The following RIMS1 variants were observed in gnomAD, a reference collection of about 807,000 sequenced individuals.
RIMS1 encodes the protein regulating synaptic membrane exocytosis protein 1.
RIMS1 carries 83 observed loss-of-function variants against 214.1 expected under a neutral mutation model. The ratio of observed to expected loss-of-function variants is 0.39; its 90% CI spans 0.32 to 0.47. RIMS1 has a LOEUF of 0.47. Ranked by LOEUF, RIMS1 falls within the 20% of genes least tolerant of loss-of-function variation. RIMS1 has a pLI of 0.99. For missense variants in RIMS1, 2,050 were observed against 2,161.8 expected (o/e 0.95, Z 1.03); for synonymous variants, 793 against 786.8 (o/e 1.01, Z -0.13).
intron 28 of RIMS1, among the ~76,000 whole-genome samples, chr6:72,325,869 C>T (rs1022475428): frequency 1.3e-5 from 2 of 151,630 alleles, no homozygotes; most frequent in Admixed American, 6.6e-5. Context: ...CACCAGACAC[C>T]TTTAGGAGGT....
At chr6:72,017,235 G>A (rs1813060773) in intron 2 of RIMS1, among the ~76,000 whole-genome samples, 1 of 152,066 alleles carries the variant, frequency 6.6e-6, no homozygotes, top group African/African-American at 2.4e-5. Context: ...TTTTGATTCA[G>A]TTATTAATAC....
At chr6:72,039,770 C>G (rs1444454196) in intron 2 of RIMS1, among the ~76,000 whole-genome samples, 2 of 151,366 alleles carry the variant, frequency 1.3e-5, no homozygotes, top group Non-Finnish European at 2.9e-5. Flanking sequence ...TTTTTAATAC[C>G]CCAAAGGAAG....
rs138319554 is a variant in RIMS1, at chr6:72,154,786, C to T, written c.472-24789C>T. Among the ~76,000 whole-genome samples the T allele has an allele frequency of 2.1e-5, 3 of 140,624 alleles. 1 individual carries two copies. The highest frequency in any genetic ancestry group is 4.9e-5 in the Non-Finnish European group (3 of 61,802). 92.3% of individuals were successfully genotyped at this position (140,624 alleles called of 152,430 possible). A position where few individuals can be genotyped will look rare whatever the true frequency, so the allele number is the denominator to read the frequency against. On this transcript the variant is annotated intron_variant, in intron 4 of 33. Coordinates refer to ENST00000521978, the MANE Select transcript of RIMS1 (RefSeq NM_014989.7). ...CTCAGTGCTAAGAGAGACTTTTGGCCCACTATTTATCCCATGGGGAAAAAT... is the reference window on the plus strand; with the variant it reads ...CTCAGTGCTAAGAGAGACTTTTGGCTCACTATTTATCCCATGGGGAAAAAT...
intron 29 of RIMS1, among the ~76,000 whole-genome samples, chr6:72,374,390 T>C (rs1481510453): frequency 2.6e-5 from 4 of 152,212 alleles, no homozygotes; most frequent in Non-Finnish European, 5.9e-5. Flanking sequence ...CCAAAACCCT[T>C]AGGGCACACA....
intron 16 of RIMS1, among the ~76,000 whole-genome samples, chr6:72,256,613 A>G (rs1297271406): frequency 2.0e-5 from 3 of 152,032 alleles, no homozygotes; most frequent in Admixed American, 1.3e-4. Context: ...ATTATTGTGT[A>G]ATTGATACCA....
intron 28 of RIMS1, chr6:72,317,326 A>G: frequency 3.9e-6 from 1 of 255,640 alleles, no homozygotes; most frequent in Non-Finnish European, 7.7e-6. Context: ...CTGCCACCAT[A>G]GCGACTCTGC....
intron 2 of RIMS1, among the ~76,000 whole-genome samples, chr6:72,067,028 A>G (rs1730757423): frequency 6.6e-6 from 1 of 152,016 alleles, no homozygotes; most frequent in Non-Finnish European, 1.5e-5. Context: ...ACTTCATACT[A>G]CAGATATGAA....
intron 2 of RIMS1, among the ~76,000 whole-genome samples, chr6:71,977,928 G>A (rs1226424355): frequency 6.6e-6 from 1 of 152,174 alleles, no homozygotes; most frequent in Non-Finnish European, 1.5e-5. Context: ...TCATGATCCA[G>A]TGTTGCGTAG....
At chr6:72,368,764 T>C (rs1333153920) in intron 29 of RIMS1, among the ~76,000 whole-genome samples, 1 of 152,136 alleles carries the variant, frequency 6.6e-6, no homozygotes. Flanking sequence ...GTTTATTGCA[T>C]TAATCTGTTT....
chr6:72,051,130 T>C (rs1466649170), intron 2 of RIMS1, among the ~76,000 whole-genome samples: 2 of 152,186 alleles, frequency 1.3e-5, no homozygotes, highest in African/African-American at 4.8e-5. Context: ...GTTTCTTTTT[T>C]CCTCCTACCC....
In RIMS1 at chr6:72,384,851, A is replaced by G. The variant is rs1032788604; in HGVS notation, c.4367-5747A>G. Among the ~76,000 whole-genome samples, 4 of 152,208 alleles carry G rather than the reference A, an allele frequency of 2.6e-5. No homozygotes were observed. In the East Asian group the frequency reaches 7.7e-4, roughly 29 times the overall value. ...CTGAAACACCTAGAACAATGCCTGT[A>G]TCATAGGTTCTTGGTGATTAATGAG... On this transcript the variant is annotated intron_variant, in intron 29 of 33. Transcript: ENST00000521978.
intron 2 of RIMS1, among the ~76,000 whole-genome samples, chr6:72,085,199 A>G (rs1834352009): frequency 6.6e-6 from 1 of 152,166 alleles, no homozygotes; most frequent in East Asian, 1.9e-4. Context: ...TACTCATTTT[A>G]AACTAAAGAC....
At chr6:72,114,748 C>T (rs1397217459) in intron 4 of RIMS1, among the ~76,000 whole-genome samples, 1 of 151,604 alleles carries the variant, frequency 6.6e-6, no homozygotes, top group Non-Finnish European at 1.5e-5. Context: ...GTGTTTAAAA[C>T]TATAAAACAT....
intron 6 of RIMS1, among the ~76,000 whole-genome samples, chr6:72,201,224 C>G (rs187050961): frequency 1.3e-5 from 2 of 152,260 alleles, no homozygotes; most frequent in East Asian, 3.9e-4. Flanking sequence ...ATCAGGGCTA[C>G]ATTTTCAAAA....
At chr6:72,120,408 T>C (rs2038008651) in intron 4 of RIMS1, among the ~76,000 whole-genome samples, 1 of 151,968 alleles carries the variant, frequency 6.6e-6, no homozygotes, top group Admixed American at 6.6e-5. Flanking sequence ...TGGCCAGTGA[T>C]GATGAGCATT....
chr6:72,207,686 A>T (rs2053163816), intron 6 of RIMS1, among the ~76,000 whole-genome samples: 1 of 152,182 alleles, frequency 6.6e-6, no homozygotes, highest in Non-Finnish European at 1.5e-5. Context: ...ACTAACTAGG[A>T]CACCACTTGA....
intron 6 of RIMS1, among the ~76,000 whole-genome samples, chr6:72,221,106 T>C (rs536115084): frequency 6.6e-6 from 1 of 152,198 alleles, no homozygotes; most frequent in South Asian, 2.1e-4. Context: ...TTGAGTTTGC[T>C]ATATAGAGTC....
intron 29 of RIMS1, among the ~76,000 whole-genome samples, chr6:72,374,545 A>G (rs1208645925): frequency 6.6e-6 from 1 of 152,082 alleles, no homozygotes; most frequent in Non-Finnish European, 1.5e-5. Flanking sequence ...TTATTTGCCT[A>G]TTTTCTCTCT....
chr6:72,167,595 A>G (rs1331927689), intron 4 of RIMS1, among the ~76,000 whole-genome samples: 1 of 152,118 alleles, frequency 6.6e-6, no homozygotes, highest in Non-Finnish European at 1.5e-5. Context: ...ATTGGCTTTC[A>G]ATTATTAATT....
Sources: gnomAD v4.1 joint callset for allele counts (sites outside exome capture counted in the v4.1 genomes callset) on GRCh38, gnomAD v4.1.1 for gene constraint, MANE v1.5 for transcripts, NCBI Gene and HGNC (gene_info 2026-07-23, HGNC 2026-07-21) for gene names.